Variants in MACROD2 observed in about 807,000 individuals in gnomAD.
MACROD2 encodes ADP-ribose glycohydrolase MACROD2.
Under a neutral mutation model 70.4 loss-of-function variants are expected in MACROD2, and 36 were observed. That is an observed-to-expected ratio of 0.51 (90% CI 0.39 to 0.68). The LOEUF (loss-of-function observed/expected upper bound fraction) is 0.68. MACROD2 is among the 30% of genes least tolerant of loss of function. The probability of loss-of-function intolerance (pLI) is 0.00; values close to 1 mark genes in which losing one functional copy is unlikely to be tolerated. For missense variants in MACROD2, 496 were observed against 538.4 expected (o/e 0.92, Z 0.78); for synonymous variants, 172 against 178.8 (o/e 0.96, Z 0.30).
intron 16 of MACROD2, among the ~76,000 whole-genome samples, chr20:16,041,639 G>A (rs992185774): frequency 6.6e-6 from 1 of 151,888 alleles, no homozygotes; most frequent in Admixed American, 6.6e-5. Context: ...CTGTTACCCT[G>A]CTCCACTCAG....
At chr20:15,982,557 G>C (rs1049355244) in intron 13 of MACROD2, among the ~76,000 whole-genome samples, 1 of 152,046 alleles carries the variant, frequency 6.6e-6, no homozygotes, top group Non-Finnish European at 1.5e-5. Flanking sequence ...TCCTATCCAC[G>C]TACAGCTCCT....
Position 14,778,157 on chromosome 20 carries a change from G to T in MACROD2, c.418+93198G>T, listed in dbSNP as rs367705630. On this transcript the variant is annotated intron_variant, in intron 5 of 17. Transcript: ENST00000684519. ...ATGACAGAGCCATTTTCAAATTGAG[G>T]TTGAGCTGATTCCTCACTGCTTCAT... Among the ~76,000 whole-genome samples the T allele has an allele frequency of 2.7e-4, 41 of 152,250 alleles. No homozygotes were observed. The East Asian group carries it at 7.1e-3, about 27-fold the overall frequency.
intron 7 of MACROD2, among the ~76,000 whole-genome samples, chr20:15,486,958 G>T (rs1347097159): frequency 1.3e-5 from 2 of 152,198 alleles, no homozygotes; most frequent in African/African-American, 4.8e-5. Context: ...GATCAAGACT[G>T]GGCTTGGCCT....
chr20:14,834,469 T>C lies in MACROD2; in HGVS notation c.418+149510T>C, dbSNP rs187508605. On this transcript the variant is annotated intron_variant, in intron 5 of 17. Transcript: ENST00000684519. ...AAAGATTGATCCGTAGTGGTATAAA[T>C]CAGGGGTCCCAATCACTGCAGACTC... is the stretch of plus-strand genomic sequence containing the variant. Among the ~76,000 whole-genome samples, 10 of 152,010 alleles carry C rather than the reference T, an allele frequency of 6.6e-5. No homozygotes were observed. In the East Asian group the frequency reaches 1.7e-3, roughly 26 times the overall value.
intron 12 of MACROD2, among the ~76,000 whole-genome samples, chr20:15,957,643 A>T (rs940003944): frequency 1.1e-4 from 17 of 152,176 alleles, no homozygotes; most frequent in Non-Finnish European, 2.2e-4. Flanking sequence ...GATCCTTCCA[A>T]GGAGCTCTGC....
chr20:14,968,974 A>G (rs1335407851), intron 5 of MACROD2, among the ~76,000 whole-genome samples: 1 of 152,114 alleles, frequency 6.6e-6, no homozygotes, highest in East Asian at 1.9e-4. Context: ...CCTCTTTTCA[A>G]AAGAACTAAG....
intron 4 of MACROD2, among the ~76,000 whole-genome samples, chr20:14,601,977 G>A (rs530662062): frequency 6.2e-4 from 94 of 152,064 alleles, no homozygotes; most frequent in Non-Finnish European, 9.7e-4. Flanking sequence ...TTATTTGCAC[G>A]TCTATTTCTC....
intron 15 of MACROD2, among the ~76,000 whole-genome samples, chr20:16,025,262 G>A (rs990081747): frequency 1.3e-5 from 2 of 152,192 alleles, no homozygotes; most frequent in Non-Finnish European, 2.9e-5. Context: ...CATTGGAGGT[G>A]CTGTTTTCAC....
chr20:15,117,590 A>G (rs2076000414), intron 5 of MACROD2, among the ~76,000 whole-genome samples: 1 of 152,064 alleles, frequency 6.6e-6, no homozygotes, highest in Non-Finnish European at 1.5e-5. Flanking sequence ...TCCCATTCCA[A>G]TTTTCCAGTA....
chr20:15,397,113 G>A (rs1359368387), intron 6 of MACROD2, among the ~76,000 whole-genome samples: 3 of 152,238 alleles, frequency 2.0e-5, no homozygotes, highest in East Asian at 1.9e-4. Context: ...GGCTTTACCC[G>A]AGCAGTCCTA....
intron 6 of MACROD2, among the ~76,000 whole-genome samples, chr20:15,255,210 T>G (rs1458131055): frequency 6.6e-6 from 1 of 152,130 alleles, no homozygotes; most frequent in East Asian, 1.9e-4. Flanking sequence ...TTCATTTTTA[T>G]CCTGTACTCT....
intron 4 of MACROD2, among the ~76,000 whole-genome samples, chr20:14,592,413 T>C (rs1389773607): frequency 6.6e-6 from 1 of 152,114 alleles, no homozygotes; most frequent in Non-Finnish European, 1.5e-5. Flanking sequence ...TATTCCTTAG[T>C]GTCTCTGGGT....
chr20:15,021,263 T>TGTGTGTATACACACAC (rs2075179194), intron 5 of MACROD2, among the ~76,000 whole-genome samples: 1 of 7,404 alleles, frequency 1.4e-4, no homozygotes, highest in East Asian at 5.3e-3. Context: ...TACACACACC[T>TGTGTGTATACACACAC]GTGTGTGTGT....
chr20:15,126,103 T>G (rs538851823), intron 5 of MACROD2, among the ~76,000 whole-genome samples: 14 of 134,514 alleles, frequency 1.0e-4, no homozygotes, highest in African/African-American at 3.8e-4. Context: ...ACATTTGGAT[T>G]GTTTCAACTT....
chr20:14,076,785 A>G (rs1417294089), intron 2 of MACROD2, among the ~76,000 whole-genome samples: 5 of 152,166 alleles, frequency 3.3e-5, no homozygotes, highest in South Asian at 4.1e-4. Context: ...ATGACTTGTC[A>G]GCGTTAAGTA....
At chr20:15,740,129 A>C (rs2051082364) in intron 8 of MACROD2, among the ~76,000 whole-genome samples, 1 of 152,214 alleles carries the variant, frequency 6.6e-6, no homozygotes, top group South Asian at 2.1e-4. Context: ...CTGTCAGACA[A>C]GGAAAGAAAG....
intron 4 of MACROD2, among the ~76,000 whole-genome samples, chr20:14,531,494 A>G (rs1411568747): frequency 6.6e-6 from 1 of 152,208 alleles, no homozygotes. Context: ...CTGAGGTAGT[A>G]CAGCCCTACT....
At chr20:15,354,549 C>A (rs1445024667) in intron 6 of MACROD2, among the ~76,000 whole-genome samples, 1 of 152,098 alleles carries the variant, frequency 6.6e-6, no homozygotes, top group Non-Finnish European at 1.5e-5. Flanking sequence ...TGACACTATT[C>A]TTTTGGAAAA....
intron 8 of MACROD2, among the ~76,000 whole-genome samples, chr20:15,639,616 A>G (rs1002875092): frequency 6.6e-6 from 1 of 152,178 alleles, no homozygotes; most frequent in African/African-American, 2.4e-5. Flanking sequence ...GACCAGCCAG[A>G]GCCAGCTTTT....
Sources: allele counts gnomAD v4.1 joint callset (sites outside exome capture counted in the v4.1 genomes callset), GRCh38; gene constraint gnomAD v4.1.1; transcripts MANE v1.5; gene names NCBI Gene and HGNC (gene_info 2026-07-23, HGNC 2026-07-21).